Variants in SCMH1 observed in about 807,000 individuals in gnomAD.
SCMH1 encodes the protein Scm polycomb group protein homolog 1, also known as polycomb protein SCMH1.
In SCMH1, 37 loss-of-function variants were observed where a neutral mutation model predicts 70.8. The observed-to-expected ratio is 0.52, with a 90% CI of 0.40 to 0.69. The LOEUF (loss-of-function observed/expected upper bound fraction) is 0.69. SCMH1 is among the 30% of genes least tolerant of loss of function. SCMH1 has a pLI of 0.00. For synonymous variants in SCMH1, 292 were observed against 307.4 expected (o/e 0.95, Z 0.52); for missense variants, 607 against 827.3 (o/e 0.73, Z 3.27).
exon 12 of SCMH1, chr1:41,046,503 G>A (rs369045955): frequency 2.1e-5 from 34 of 1,613,958 alleles, no homozygotes; most frequent in African/African-American, 1.2e-4. Context: ...TTGTCACTAC[G>A]AAGGTTGTGG....
chr1:41,099,965 A>T (rs1404154901), intron 8 of SCMH1, among the ~76,000 whole-genome samples: 1 of 152,214 alleles, frequency 6.6e-6, no homozygotes, highest in Non-Finnish European at 1.5e-5. Flanking sequence ...GGAGAAAAAC[A>T]AAAGTTTAAA....
chr1:41,176,368 G>A (rs527879267), intron 2 of SCMH1, among the ~76,000 whole-genome samples: 74 of 152,288 alleles, frequency 4.9e-4, no homozygotes, highest in African/African-American at 1.7e-3. Flanking sequence ...CTGAGGTACC[G>A]GGTTCATCTC....
chr1:41,097,811 C>T (rs1049798876), intron 8 of SCMH1, among the ~76,000 whole-genome samples: 1 of 152,216 alleles, frequency 6.6e-6, no homozygotes, highest in African/African-American at 2.4e-5. Flanking sequence ...GTCTAAAACA[C>T]AAATGTGATC....
chr1:41,071,709 C>T (rs1656581911), intron 9 of SCMH1, among the ~76,000 whole-genome samples: 1 of 151,820 alleles, frequency 6.6e-6, no homozygotes, highest in African/African-American at 2.4e-5. Flanking sequence ...GTTATCCAGG[C>T]TGGCATGCAG....
intron 13 of SCMH1, among the ~76,000 whole-genome samples, chr1:41,034,788 C>T (rs1375232637): frequency 3.3e-5 from 5 of 152,196 alleles, no homozygotes; most frequent in Middle Eastern, 3.2e-3. Context: ...TATGAAAGCT[C>T]ATGTTCTTCA....
At chr1:41,146,142 A>C (rs1223056873) in intron 5 of SCMH1, among the ~76,000 whole-genome samples, 1 of 152,120 alleles carries the variant, frequency 6.6e-6, no homozygotes, top group Non-Finnish European at 1.5e-5. Context: ...AATGGAAGAC[A>C]GTGATACTGA....
intron 6 of SCMH1, among the ~76,000 whole-genome samples, chr1:41,136,880 C>A (rs1572497043): frequency 6.7e-6 from 1 of 150,152 alleles, no homozygotes; most frequent in South Asian, 2.1e-4. Flanking sequence ...TGGGTGCAAG[C>A]AATCCTTCTG....
chr1:41,237,279 T>C (rs1447713334), intron 1 of SCMH1, among the ~76,000 whole-genome samples: 2 of 152,340 alleles, frequency 1.3e-5, no homozygotes, highest in East Asian at 1.9e-4. Context: ...TGTATGTTTC[T>C]TAACCTCACG....
intron 1 of SCMH1, among the ~76,000 whole-genome samples, chr1:41,194,697 G>A (rs866397140): frequency 6.6e-6 from 1 of 152,122 alleles, no homozygotes; most frequent in Non-Finnish European, 1.5e-5. Flanking sequence ...AAATATAACC[G>A]CCTAAAATAT....
At chr1:41,136,379 TTTC>T (rs201259981) in intron 6 of SCMH1, among the ~76,000 whole-genome samples, 22 of 151,074 alleles carry the variant, frequency 1.5e-4, no homozygotes, top group South Asian at 2.1e-4. Flanking sequence ...CTTTTCTTTC[TTTC>T]TTTTTTTTTT....
At chr1:41,173,156 G>T (rs1389474423) in intron 2 of SCMH1, among the ~76,000 whole-genome samples, 1 of 152,068 alleles carries the variant, frequency 6.6e-6, no homozygotes, top group African/African-American at 2.4e-5. Flanking sequence ...AGAGGGAAAA[G>T]AGTACAGAAT....
Position 41,171,755 on chromosome 1 carries a change from A to C in SCMH1, c.14-10323T>G, listed in dbSNP as rs887688607. Reference sequence around the variant, plus strand: ...TAACAAGAGGAACTTTCAAAATTGTAGAAAAAGAAACAAATTAAACATGTT... The same window carrying C: ...TAACAAGAGGAACTTTCAAAATTGTCGAAAAAGAAACAAATTAAACATGTT... On this transcript the variant is annotated intron_variant, in intron 2 of 14. Transcript: ENST00000337495. Among the ~76,000 whole-genome samples, 12 of 152,360 alleles carry C rather than the reference A, an allele frequency of 7.9e-5. No individual in the cohort carries two copies. In the South Asian group the frequency reaches 8.3e-4, roughly 11 times the overall value.
At chr1:41,124,462 A>T (rs1672690744) in intron 6 of SCMH1, among the ~76,000 whole-genome samples, 1 of 152,128 alleles carries the variant, frequency 6.6e-6, no homozygotes, top group Non-Finnish European at 1.5e-5. Context: ...CATGTATAAT[A>T]GTCCTGTTGC....
intron 5 of SCMH1, among the ~76,000 whole-genome samples, chr1:41,144,613 T>C (rs537762226): frequency 6.6e-6 from 1 of 152,178 alleles, no homozygotes; most frequent in South Asian, 2.1e-4. Flanking sequence ...CTTACGTATA[T>C]ACTTATGAGT....
intron 6 of SCMH1, among the ~76,000 whole-genome samples, chr1:41,137,860 TTA>T (rs1643610280): frequency 6.6e-6 from 1 of 152,176 alleles, no homozygotes. Flanking sequence ...TTCTTTAGAG[TTA>T]TCTTTCCTTT....
chr1:41,099,716 T>A (rs549719831), intron 8 of SCMH1, among the ~76,000 whole-genome samples: 1 of 152,306 alleles, frequency 6.6e-6, no homozygotes, highest in East Asian at 1.9e-4. Context: ...ACTCCATAAA[T>A]CTTAGTTTCT....
intron 6 of SCMH1, among the ~76,000 whole-genome samples, chr1:41,131,797 G>C (rs1421811230): frequency 6.6e-6 from 1 of 152,154 alleles, no homozygotes; most frequent in Non-Finnish European, 1.5e-5. Context: ...AGAATGTGCA[G>C]TGTTTGGTTT....
intron 10 of SCMH1, among the ~76,000 whole-genome samples, chr1:41,061,933 T>G (rs190231960): frequency 1.1e-4 from 16 of 152,286 alleles, no homozygotes; most frequent in Admixed American, 8.5e-4. Context: ...GTTGTGATCT[T>G]GGCTCACTGC....
At chr1:41,034,471 G>A (rs1180532882) in intron 13 of SCMH1, among the ~76,000 whole-genome samples, 1 of 151,988 alleles carries the variant, frequency 6.6e-6, no homozygotes, top group Non-Finnish European at 1.5e-5. Flanking sequence ...GGGACTACAG[G>A]TGCCCACTAC....
Sources: gnomAD v4.1 joint callset for allele counts (sites outside exome capture counted in the v4.1 genomes callset) on GRCh38, gnomAD v4.1.1 for gene constraint, MANE v1.5 for transcripts, NCBI Gene and HGNC (gene_info 2026-07-23, HGNC 2026-07-21) for gene names.